The following THRB variants were observed in gnomAD, a reference collection of about 807,000 sequenced individuals.
THRB encodes the protein thyroid hormone receptor beta.
THRB carries 12 observed loss-of-function variants against 47.8 expected under a neutral mutation model. The observed-to-expected ratio is 0.25, with a 90% CI of 0.16 to 0.41. The LOEUF (loss-of-function observed/expected upper bound fraction) is 0.41, where lower values mean the gene tolerates loss of function less well. Among genes scored for constraint, THRB ranks in the 10% least tolerant of loss-of-function variants. THRB has a pLI of 1.00. For missense variants in THRB, 348 were observed against 589.2 expected, an observed-to-expected ratio of 0.59 and a Z score of 4.24; for synonymous variants, 218 against 212.2, an observed-to-expected ratio of 1.03 and a Z score of -0.24.
intron 1 of THRB, among the ~76,000 whole-genome samples, chr3:24,384,005 T>C (rs6771995): frequency 0.51 from 76,848 of 151,908 alleles, 19,857 homozygotes; most frequent in African/African-American, 0.61. Context: ...GGGATCTTTC[T>C]TGGTCTCGAT....
chr3:24,193,447 T>G (rs1181806060), intron 4 of THRB, among the ~76,000 whole-genome samples: 1 of 152,150 alleles, frequency 6.6e-6, no homozygotes, highest in Non-Finnish European at 1.5e-5. Context: ...GGTAAGAAAA[T>G]AAATTAGTGA....
At chr3:24,415,431 C>T (rs2068656959) in intron 1 of THRB, among the ~76,000 whole-genome samples, 1 of 151,884 alleles carries the variant, frequency 6.6e-6, no homozygotes, top group South Asian at 2.1e-4. Flanking sequence ...GGAATCTATC[C>T]CCTTTTGATT....
At chr3:24,353,752 G>A (rs544083207) in intron 1 of THRB, among the ~76,000 whole-genome samples, 1 of 152,082 alleles carries the variant, frequency 6.6e-6, no homozygotes, top group East Asian at 1.9e-4. Context: ...GTATTAATAA[G>A]CCCCTTAATT....
chr3:24,315,223 A>G (rs568695219), intron 2 of THRB, among the ~76,000 whole-genome samples: 2 of 152,330 alleles, frequency 1.3e-5, no homozygotes, highest in South Asian at 4.1e-4. Flanking sequence ...GTTCACACAC[A>G]GAGCATCACG....
chr3:24,363,901 A>T (rs895979819), intron 1 of THRB, among the ~76,000 whole-genome samples: 2 of 152,188 alleles, frequency 1.3e-5, no homozygotes, highest in Non-Finnish European at 2.9e-5. Flanking sequence ...ATATACATAA[A>T]AACACTTAAA....
chr3:24,399,885 T>C (rs9841289), intron 1 of THRB, among the ~76,000 whole-genome samples: 7,152 of 152,140 alleles, frequency 0.047, 531 homozygotes, highest in African/African-American at 0.16. Context: ...CAGAAAATAT[T>C]AACTACCAAA....
chr3:24,197,901 C>A (rs1242933591), intron 4 of THRB, among the ~76,000 whole-genome samples: 2 of 152,218 alleles, frequency 1.3e-5, no homozygotes, highest in African/African-American at 4.8e-5. Flanking sequence ...GCTGTGTAAA[C>A]CAACCGTGTT....
chr3:24,201,392 G>C (rs771136361), intron 4 of THRB, among the ~76,000 whole-genome samples: 1 of 152,112 alleles, frequency 6.6e-6, no homozygotes, highest in African/African-American at 2.4e-5. Flanking sequence ...TCAAAGTGCA[G>C]TCTAAGGACC....
At chr3:24,456,703 T>G (rs950306112) in intron 1 of THRB, among the ~76,000 whole-genome samples, 4 of 151,566 alleles carry the variant, frequency 2.6e-5, no homozygotes, top group African/African-American at 9.7e-5. Flanking sequence ...ACAAACTGCT[T>G]ACTGAATGAT....
chr3:24,448,646 C>T (rs760864267), intron 1 of THRB, among the ~76,000 whole-genome samples: 2 of 152,146 alleles, frequency 1.3e-5, no homozygotes, highest in South Asian at 2.1e-4. Context: ...CCATTAAGTA[C>T]CTGTCATGAG....
chr3:24,286,640 C>G (rs191801419), intron 3 of THRB, among the ~76,000 whole-genome samples: 1 of 152,102 alleles, frequency 6.6e-6, no homozygotes, highest in Non-Finnish European at 1.5e-5. Flanking sequence ...AATTCAAGCT[C>G]GACGCATTTC....
intron 5 of THRB, among the ~76,000 whole-genome samples, chr3:24,163,474 C>T (rs1235313503): frequency 6.6e-6 from 1 of 152,080 alleles, no homozygotes; most frequent in African/African-American, 2.4e-5. Flanking sequence ...CTGAAACGTT[C>T]TGCAGGAATT....
chr3:24,237,547 C>CT (rs959714183), intron 3 of THRB, among the ~76,000 whole-genome samples: 2 of 152,136 alleles, frequency 1.3e-5, no homozygotes, highest in African/African-American at 4.8e-5. Context: ...TCCCCTTCCT[C>CT]TTCCCCTCTC....
intron 5 of THRB, among the ~76,000 whole-genome samples, chr3:24,163,020 C>T (rs942684532): frequency 6.6e-6 from 1 of 151,980 alleles, no homozygotes; most frequent in Non-Finnish European, 1.5e-5. Context: ...GATAAAAATC[C>T]AATTGGAAAA....
chr3:24,472,782 G>C (rs1050996052), intron 1 of THRB, among the ~76,000 whole-genome samples: 4 of 152,162 alleles, frequency 2.6e-5, no homozygotes, highest in Non-Finnish European at 4.4e-5. Flanking sequence ...GGTTTCAAGG[G>C]AGTCCAATCA....
Position 24,250,167 on chromosome 3 carries a change from T to C in THRB, c.-42-21166A>G, listed in dbSNP as rs1219205163. 2.0e-5 allele frequency among the ~76,000 whole-genome samples: 3 copies of C among 152,232 alleles called. No homozygotes were observed. The East Asian group carries it at 5.8e-4, about 29-fold the overall frequency. ...CACATATATCCTCATGTCACTTTTC[T>C]TAACTAATAAAACATCTTAGTATTA... is the stretch of plus-strand genomic sequence containing the variant. On this transcript the variant is annotated intron_variant, in intron 3 of 10. Transcript: ENST00000646209.
chr3:24,219,923 C>T (rs1345293126), intron 4 of THRB, among the ~76,000 whole-genome samples: 1 of 152,152 alleles, frequency 6.6e-6, no homozygotes, highest in Non-Finnish European at 1.5e-5. Flanking sequence ...AGATGCGTAG[C>T]GGAATCACTT....
chr3:24,484,755 CTG>C (rs1409680643), intron 1 of THRB, among the ~76,000 whole-genome samples: 2 of 152,152 alleles, frequency 1.3e-5, no homozygotes, highest in Non-Finnish European at 2.9e-5. Context: ...TCAACAGAGA[CTG>C]TGTGTCCTGA....
intron 9 of THRB, among the ~76,000 whole-genome samples, chr3:24,132,307 A>AT (rs923294939): frequency 5.9e-5 from 9 of 152,290 alleles, no homozygotes; most frequent in African/African-American, 1.9e-4. Context: ...ATCTTACGAA[A>AT]TTTTTTTAAA....
Sources: allele counts gnomAD v4.1 joint callset (sites outside exome capture counted in the v4.1 genomes callset), GRCh38; gene constraint gnomAD v4.1.1; transcripts MANE v1.5; gene names NCBI Gene and HGNC (gene_info 2026-07-23, HGNC 2026-07-21).